The following NUP133 variants were observed in gnomAD, a reference collection of about 807,000 sequenced individuals.
NUP133 encodes the protein nucleoporin 133, also known as nuclear pore complex protein Nup133.
In NUP133, 66 loss-of-function variants were observed where a neutral mutation model predicts 146.2. The ratio of observed to expected loss-of-function variants is 0.45; its 90% CI spans 0.37 to 0.55. The LOEUF (loss-of-function observed/expected upper bound fraction) is 0.55, where lower values mean the gene tolerates loss of function less well. Among genes scored for constraint, NUP133 ranks in the 20% least tolerant of loss-of-function variants. The pLI, the probability that NUP133 is intolerant of heterozygous loss-of-function variation, is 0.00. For missense variants in NUP133, 1,277 were observed against 1,374.8 expected (o/e 0.93, Z 1.12); for synonymous variants, 521 against 498.8 (o/e 1.04, Z -0.59).
chr1:229,504,062 C>A (rs981298152), intron 2 of NUP133, among the ~76,000 whole-genome samples: 2 of 152,004 alleles, frequency 1.3e-5, no homozygotes, highest in African/African-American at 4.8e-5. Flanking sequence ...ATCCCTAAAG[C>A]TCCCAAGGAC....
At chr1:229,476,962 G>A (rs926073141) in intron 13 of NUP133, among the ~76,000 whole-genome samples, 16 of 151,104 alleles carry the variant, frequency 1.1e-4, no homozygotes, top group Admixed American at 4.0e-4. Context: ...ACTGGGATTG[G>A]GGGGCAGGTA....
intron 18 of NUP133, among the ~76,000 whole-genome samples, chr1:229,464,078 G>A (rs1313425068): frequency 6.6e-6 from 1 of 152,128 alleles, no homozygotes; most frequent in African/African-American, 2.4e-5. Context: ...CCGGGAGATG[G>A]AGGTTGCAGT....
chr1:229,494,832 T>C (rs1183937941), intron 8 of NUP133, among the ~76,000 whole-genome samples: 5 of 152,178 alleles, frequency 3.3e-5, no homozygotes, highest in Admixed American at 1.3e-4. Flanking sequence ...ATGTGCCTGA[T>C]ACCTCCAATG....
rs768362153 is a variant in NUP133 at position 229,484,125 on chromosome 1, A to G, written c.1521T>C (p.Thr507=). The G allele has an allele frequency of 1.7e-5, 27 of 1,612,830 alleles. No homozygotes were observed. In the South Asian group the frequency reaches 2.5e-4, roughly 15 times the overall value. ...PNSESMIFET[T]TKNETIAQED... is the part of the protein sequence containing the mutation. ...CCTGGGCTATAGTTTCATTCTTTGT[A>G]GTGGTCTCAAAAATCATACTCTGCA... The change falls in exon 12 of 26, where the codon ACT becomes ACC. Residue 507 remains threonine, a synonymous_variant. Coordinates refer to ENST00000261396, the MANE Select transcript of NUP133 (RefSeq NM_018230.3).
intron 2 of NUP133, among the ~76,000 whole-genome samples, chr1:229,504,464 T>C (rs1339967252): frequency 6.6e-6 from 1 of 152,190 alleles, no homozygotes; most frequent in Non-Finnish European, 1.5e-5. Context: ...TCTTTAAAGT[T>C]GCCTTTCTAA....
At chr1:229,496,657 A>C (rs1436011746) in intron 6 of NUP133, among the ~76,000 whole-genome samples, 1 of 152,172 alleles carries the variant, frequency 6.6e-6, no homozygotes, top group East Asian at 1.9e-4. Flanking sequence ...GTAGATGACA[A>C]GTAGAAAAGA....
Position 229,442,000 on chromosome 1 carries a change from C to T in NUP133, c.3375G>A (p.Leu1125=), listed in dbSNP as rs765281961. 1 of 1,588,686 alleles carries T rather than the reference C, an allele frequency of 6.3e-7. No individual in the cohort carries two copies. The highest frequency in any genetic ancestry group is 1.2e-5 in the South Asian group (1 of 85,298). Reference sequence around the variant, plus strand: ...AGCTTCCAAGCTGATCCGCTTGTAGCAGGTCTTTCACCTCCGGTAAGTACT... The same window carrying T: ...AGCTTCCAAGCTGATCCGCTTGTAGTAGGTCTTTCACCTCCGGTAAGTACT... ...LSEYLPEVKD[L]LQADQLGSLK... Residue 1125 remains leucine (L), a synonymous_variant, in exon 26 of 26, where the codon CTG becomes CTA. Transcript: ENST00000261396.
rs981873795 is a variant in NUP133, at chr1:229,492,875, T to C, written c.1046+2620A>G. ...AAATCACCACTAAAGAACTTACCCATGTAACCAAAAACCACCTGTACCCCA... is the reference window on the plus strand; with the variant it reads ...AAATCACCACTAAAGAACTTACCCACGTAACCAAAAACCACCTGTACCCCA... On this transcript the variant is annotated intron_variant, in intron 8 of 25. Coordinates refer to ENST00000261396, the MANE Select transcript of NUP133 (RefSeq NM_018230.3). Among the ~76,000 whole-genome samples, 5 of 151,872 alleles carry C rather than the reference T, an allele frequency of 3.3e-5. No individual in the cohort carries two copies. In the South Asian group the frequency reaches 8.3e-4, roughly 25 times the overall value.
rs143515034 is a variant in NUP133, at chr1:229,506,648, T to C, written c.183-490A>G. Among the ~76,000 whole-genome samples the C allele has an allele frequency of 1.3e-3, 196 of 152,044 alleles. 1 individual carries two copies. The highest frequency in any genetic ancestry group is 4.5e-3 in the African/African-American group (185 of 41,482). On this transcript the variant is annotated intron_variant, in intron 1 of 25. Coordinates refer to ENST00000261396, the MANE Select transcript of NUP133 (RefSeq NM_018230.3). The stretch of plus-strand genomic sequence containing the variant: ...CCTGGCCGGAGCAGTGGCTCATGTC[T>C]ATAATCTCAGCACTTTGGGAGGCCG...
At chr1:229,494,852 T>C (rs1385772004) in intron 8 of NUP133, among the ~76,000 whole-genome samples, 1 of 152,100 alleles carries the variant, frequency 6.6e-6, no homozygotes, top group Non-Finnish European at 1.5e-5. Context: ...GAGAGAAAGA[T>C]CACAGCATGG....
intron 1 of NUP133, among the ~76,000 whole-genome samples, chr1:229,507,378 A>C (rs1314294988): frequency 3.9e-5 from 6 of 152,200 alleles, no homozygotes; most frequent in African/African-American, 1.4e-4. Context: ...TTCAGAGAAA[A>C]CTATGCAGAA....
Position 229,464,818 on chromosome 1 carries a change from A to T in NUP133, c.2357T>A (p.Leu786Gln). ...TVIIRQHEIV[L>Q]KVAYPQADSN... ...GTCTGCCTGTGGATAAGCCACCTTC[A>T]GGACAATCTCATGCTGGCGTATTAT... Residue 786 changes from leucine (L) to glutamine (Q), a missense_variant, in exon 18 of 26, where the codon CTG becomes CAG. Leu to Gln is a moderately radical substitution (Grantham distance 113). Coordinates refer to ENST00000261396, the MANE Select transcript of NUP133 (RefSeq NM_018230.3). The T allele has an allele frequency of 3.1e-6, 5 of 1,614,252 alleles. No individual in the cohort carries two copies. Among genetic ancestry groups the T allele is most frequent in the Non-Finnish European group, 4.2e-6 (5 of 1,180,042 alleles).
intron 12 of NUP133, among the ~76,000 whole-genome samples, chr1:229,478,061 C>G: frequency 6.6e-6 from 1 of 152,014 alleles, no homozygotes; most frequent in Non-Finnish European, 1.5e-5. Flanking sequence ...CCCATTTACC[C>G]TGATGTGATT....
intron 12 of NUP133, among the ~76,000 whole-genome samples, chr1:229,481,663 C>T (rs1345091794): frequency 6.7e-6 from 1 of 150,162 alleles, no homozygotes; most frequent in Non-Finnish European, 1.5e-5. Flanking sequence ...CACACCACTG[C>T]ACTCTGGCCT....
chr1:229,475,518 T>A, intron 14 of NUP133, 120 bp downstream of exon 14: 3 of 656,580 alleles, frequency 4.6e-6, no homozygotes, highest in Non-Finnish European at 8.0e-6. Context: ...GCAGAGACAA[T>A]GGAAAACACC....
At position 229,498,316 on chromosome 1, in the gene NUP133, A is replaced by G; in HGVS notation, c.649-10T>C. 1.3e-6 allele frequency: 2 copies of G among 1,565,840 alleles called. No individual in the cohort carries two copies. Among genetic ancestry groups the G allele is most frequent in the Non-Finnish European group, 1.7e-6 (2 of 1,162,066 alleles). The stretch of plus-strand genomic sequence containing the variant: ...AAATAAAACTTCCTCCCTGTGAAAA[A>G]ACATTATGAGGTTAGTTCAGTTTAG... On this transcript the variant is annotated splice_polypyrimidine_tract_variant and intron_variant, in intron 5 of 25. Transcript: ENST00000261396.
intron 21 of NUP133, among the ~76,000 whole-genome samples, chr1:229,454,664 C>T (rs923352467): frequency 9.2e-5 from 14 of 152,120 alleles, no homozygotes; most frequent in Non-Finnish European, 1.8e-4. Flanking sequence ...GTTCCCATCG[C>T]GTTAAGAAAT....
chr1:229,482,330 A>T (rs932091865), intron 12 of NUP133, among the ~76,000 whole-genome samples: 37 of 152,280 alleles, frequency 2.4e-4, no homozygotes, highest in African/African-American at 8.9e-4. Context: ...GGGGAAATGA[A>T]GGTAGTACAC....
intron 8 of NUP133, among the ~76,000 whole-genome samples, chr1:229,491,704 C>T (rs1186855081): frequency 2.0e-5 from 3 of 152,028 alleles, no homozygotes; most frequent in African/African-American, 2.4e-5. Flanking sequence ...CTTGAACCTG[C>T]GATGCAGAGA....
Sources: gnomAD v4.1 joint callset for allele counts (sites outside exome capture counted in the v4.1 genomes callset) on GRCh38, gnomAD v4.1.1 for gene constraint, MANE v1.5 for transcripts, NCBI Gene and HGNC (gene_info 2026-07-23, HGNC 2026-07-21) for gene names.